Variants in TRARG1 observed in about 807,000 individuals in gnomAD.
TRARG1 encodes trafficking regulator of GLUT4 (SLC2A4) 1 (gene/pseudogene).
Under a neutral mutation model 13.3 loss-of-function variants are expected in TRARG1, and 16 were observed. The ratio of observed to expected loss-of-function variants is 1.20; its 90% CI spans 0.81 to 1.83. The LOEUF is 1.83. Ranked by LOEUF, TRARG1 falls within the 40% of genes most tolerant of loss-of-function variation. The pLI, the probability that TRARG1 is intolerant of heterozygous loss-of-function variation, is 0.00. For missense variants in TRARG1, 250 were observed against 237.4 expected (o/e 1.05, Z -0.35); for synonymous variants, 113 against 106.2 (o/e 1.06, Z -0.39).
chr17:1,290,695 A>C (rs776891026), intron 1 of TRARG1, among the ~76,000 whole-genome samples: 3 of 152,018 alleles, frequency 2.0e-5, no homozygotes, highest in Non-Finnish European at 2.9e-5. Flanking sequence ...TCGTCTGTAA[A>C]ATGGACTAAT....
intron 2 of TRARG1, among the ~76,000 whole-genome samples, chr17:1,296,847 G>A (rs1353822072): frequency 2.6e-5 from 4 of 151,736 alleles, no homozygotes; most frequent in Admixed American, 1.3e-4. Flanking sequence ...GTTGCATCAC[G>A]TTGGCCAGGC....
At position 1,300,447 on chromosome 17, in the gene TRARG1, CCTA is replaced by C. The variant is rs1439295430; in HGVS notation, c.*2185_*2187del. 7.6e-6 allele frequency: 1 copy of C among 132,442 alleles called. No individual in the cohort carries two copies. Among genetic ancestry groups the C allele is most frequent in the Non-Finnish European group, 1.6e-5 (1 of 61,764 alleles). 8.2% of individuals were successfully genotyped at this position (132,442 alleles called of 1,614,324 possible). A position where few individuals can be genotyped will look rare whatever the true frequency, so the allele number is the denominator to read the frequency against. On this transcript the variant is annotated 3_prime_UTR_variant, in exon 3 of 3. Coordinates refer to ENST00000333813, the MANE Select transcript of TRARG1 (RefSeq NM_172367.3). ...ACACAAATAGGCTCTGCCGTGCACT[CCTA>C]CACACACACACACACACACACACGC...
chr17:1,281,115 T>C (rs2071969907), intron 1 of TRARG1, among the ~76,000 whole-genome samples: 2 of 152,222 alleles, frequency 1.3e-5, no homozygotes, highest in South Asian at 4.1e-4. Flanking sequence ...GGGCCGGGTC[T>C]GTACTTCCAT....
chr17:1,282,609 TCCAC>T (rs956858253), intron 1 of TRARG1, among the ~76,000 whole-genome samples: 23 of 151,852 alleles, frequency 1.5e-4, no homozygotes, highest in Non-Finnish European at 2.9e-5. Context: ...GACCTCGTGA[TCCAC>T]CCACCTCGGC....
At chr17:1,282,276 G>GTATATGCACA (rs2071986607) in intron 1 of TRARG1, among the ~76,000 whole-genome samples, 2 of 68,522 alleles carry the variant, frequency 2.9e-5, no homozygotes, top group Non-Finnish European at 5.4e-5. Flanking sequence ...ATATATGCAC[G>GTATATGCACA]TATATGTACA....
At chr17:1,283,446 A>C (rs1368355776) in intron 1 of TRARG1, among the ~76,000 whole-genome samples, 3 of 152,158 alleles carry the variant, frequency 2.0e-5, no homozygotes, top group African/African-American at 7.2e-5. Flanking sequence ...CACCCATCTA[A>C]AGTGTATTCA....
At chr17:1,291,878 T>TG (rs1255212307) in intron 1 of TRARG1, among the ~76,000 whole-genome samples, 2 of 152,162 alleles carry the variant, frequency 1.3e-5, no homozygotes, top group Non-Finnish European at 1.5e-5. Flanking sequence ...TCAGACTGGC[T>TG]GGGCCCAGTG....
intron 1 of TRARG1, among the ~76,000 whole-genome samples, chr17:1,295,144 T>C (rs2072101512): frequency 6.6e-6 from 1 of 152,142 alleles, no homozygotes; most frequent in Non-Finnish European, 1.5e-5. Context: ...GGCCTGTCTG[T>C]TCTTGCCAGT....
rs1460633771 is a variant in TRARG1 at position 1,299,990 on chromosome 17, CA to C, written c.*1727del. The C allele has an allele frequency of 2.0e-5, 3 of 152,454 alleles. No individual in the cohort carries two copies. The allele number at this position is 152,454 out of a possible 1,614,324, so 9.4% of individuals were successfully genotyped here. A position where few individuals can be genotyped will look rare whatever the true frequency, so the allele number is the denominator to read the frequency against. ...TGCTAGAGGGCAGGGGTGCAGGGCTCAGGGGGCCCGGGCTGGTCCTTTGGGG... is the reference window on the plus strand; with the variant it reads ...TGCTAGAGGGCAGGGGTGCAGGGCTCGGGGGCCCGGGCTGGTCCTTTGGGG... On this transcript the variant is annotated 3_prime_UTR_variant, in exon 3 of 3. Transcript: ENST00000333813.
intron 1 of TRARG1, among the ~76,000 whole-genome samples, chr17:1,282,236 G>A (rs62090196): frequency 0.024 from 3,089 of 127,596 alleles, 274 homozygotes; most frequent in African/African-American, 0.057. Flanking sequence ...GTATATGTAC[G>A]TATATGCACG....
At chr17:1,282,246 G>GTATATGTACATATGCGTA (rs1567928263) in intron 1 of TRARG1, among the ~76,000 whole-genome samples, 1 of 93,988 alleles carries the variant, frequency 1.1e-5, no homozygotes, top group African/African-American at 3.8e-5. Context: ...GTATATGCAC[G>GTATATGTACATATGCGTA]TATATGTACG....
At chr17:1,293,410 G>A (rs138032877) in intron 1 of TRARG1, among the ~76,000 whole-genome samples, 176 of 152,242 alleles carry the variant, frequency 1.2e-3, no homozygotes, top group Admixed American at 2.6e-3. Context: ...GGTACAAGGC[G>A]TGGGTTGGGT....
chr17:1,285,430 G>A (rs1320309956), intron 1 of TRARG1, among the ~76,000 whole-genome samples: 2 of 150,084 alleles, frequency 1.3e-5, no homozygotes, highest in Non-Finnish European at 3.0e-5. Context: ...AAGAGGGCTG[G>A]GCTCAGTGGC....
chr17:1,285,235 C>T (rs1276619579), intron 1 of TRARG1, among the ~76,000 whole-genome samples: 2 of 151,780 alleles, frequency 1.3e-5, no homozygotes, highest in South Asian at 2.1e-4. Context: ...CATGGTGAAA[C>T]CCCGTTTCTA....
At position 1,299,044 on chromosome 17, in the gene TRARG1, C is replaced by A. The variant is rs1041326688; in HGVS notation, c.*780C>A. 2 of 152,376 alleles carry A rather than the reference C, an allele frequency of 1.3e-5. No individual in the cohort carries two copies. Among genetic ancestry groups the A allele is most frequent in the African/African-American group, 4.8e-5 (2 of 41,468 alleles). The allele number at this position is 152,376 out of a possible 1,614,324, so 9.4% of individuals were successfully genotyped here. A position where few individuals can be genotyped will look rare whatever the true frequency, so the allele number is the denominator to read the frequency against. ...ATGTCTCCCAGGACAAGCCAGTCTG[C>A]CTCTTCCTCCTACTTCTGCTGTAGC... On this transcript the variant is annotated 3_prime_UTR_variant, in exon 3 of 3. Coordinates refer to ENST00000333813, the MANE Select transcript of TRARG1 (RefSeq NM_172367.3).
Position 1,298,375 on chromosome 17 carries a change from A to G in TRARG1, c.*111A>G. The G allele has an allele frequency of 8.1e-7, 1 of 1,237,662 alleles. No individual in the cohort carries two copies. The highest frequency in any genetic ancestry group is 1.4e-5 in the South Asian group (1 of 73,866). 76.7% of individuals were successfully genotyped at this position (1,237,662 alleles called of 1,614,324 possible). On this transcript the variant is annotated 3_prime_UTR_variant, in exon 3 of 3. Transcript: ENST00000333813. ...GACTGTCAAGCATCCCCTGTCCCCA[A>G]GTTCCAAAAGCACAGACTCAAAGGG...
rs192967478 is a variant in TRARG1, at chr17:1,288,027, C to A, written c.388-7464C>A. ...GGCCATCCCTGAACTCTAGTCCTGA[C>A]CTCAGCCTCTCTCTGTTGCCCGGGG... On this transcript the variant is annotated intron_variant, in intron 1 of 2. Coordinates refer to ENST00000333813, the MANE Select transcript of TRARG1 (RefSeq NM_172367.3). Among the ~76,000 whole-genome samples, 915 of 152,098 alleles carry A rather than the reference C, an allele frequency of 6.0e-3. 12 individuals are homozygous for A. Among genetic ancestry groups the A allele is most frequent in the African/African-American group, 0.021 (873 of 41,460 alleles).
At chr17:1,287,836 A>G (rs1712127438) in intron 1 of TRARG1, among the ~76,000 whole-genome samples, 1 of 151,964 alleles carries the variant, frequency 6.6e-6, no homozygotes, top group Admixed American at 6.5e-5. Flanking sequence ...TATTTTTAGT[A>G]GAGACAAGGT....
At chr17:1,292,909 A>G (rs970819684) in intron 1 of TRARG1, among the ~76,000 whole-genome samples, 1 of 152,188 alleles carries the variant, frequency 6.6e-6, no homozygotes, top group Non-Finnish European at 1.5e-5. Context: ...GGTCTCACAC[A>G]GGGCCTGTTA....
Sources: allele counts gnomAD v4.1 joint callset (sites outside exome capture counted in the v4.1 genomes callset), GRCh38; gene constraint gnomAD v4.1.1; transcripts MANE v1.5; gene names NCBI Gene and HGNC (gene_info 2026-07-23, HGNC 2026-07-21).